SAMD5: variants seen among roughly 807,000 people sequenced by gnomAD.
SAMD5 encodes the protein sterile alpha motif domain-containing protein 5.
Under a neutral mutation model 11.3 loss-of-function variants are expected in SAMD5, and 13 were observed. The ratio of observed to expected loss-of-function variants is 1.15; its 90% CI spans 0.75 to 1.83. SAMD5 has a LOEUF of 1.83. SAMD5 is among the 40% of genes most tolerant of loss of function. The pLI, the probability that SAMD5 is intolerant of heterozygous loss-of-function variation, is 0.00. For missense variants in SAMD5, 255 were observed against 239.1 expected (o/e 1.07, Z -0.44); for synonymous variants, 129 against 111.3 (o/e 1.16, Z -1.00).
chr6:147,586,862 T>G (rs1206182559), intron 1 of SAMD5, among the ~76,000 whole-genome samples: 2 of 152,080 alleles, frequency 1.3e-5, no homozygotes, highest in Non-Finnish European at 2.9e-5. Flanking sequence ...CTCTGATATG[T>G]TATAAAATAA....
chr6:147,932,384 C>A, the SAMD5 span, among the ~76,000 whole-genome samples: 12 of 152,048 alleles, frequency 7.9e-5, no homozygotes, highest in African/African-American at 2.9e-4. Flanking sequence ...GGAGTGTCAG[C>A]GGACTTAATG....
rs2128444634 is a variant in SAMD5, at chr6:147,565,098, C to G, written c.*642C>G. On this transcript the variant is annotated 3_prime_UTR_variant, in exon 2 of 2. Coordinates refer to ENST00000367474, the MANE Select transcript of SAMD5 (RefSeq NM_001030060.3). ...ACCAAGAGAGGACAATTTCTTCTAA[C>G]TTCTCTTTTTAAATTTAATCTGGCT... 1.0e-6 allele frequency: 1 copy of G among 984,600 alleles called. No individual in the cohort carries two copies. The highest frequency in any genetic ancestry group is 4.7e-5 in the South Asian group (1 of 21,262). 61.0% of individuals were successfully genotyped at this position (984,600 alleles called of 1,614,324 possible).
chr6:147,558,108 A>G (rs1788886763), intron 1 of SAMD5, among the ~76,000 whole-genome samples: 1 of 152,234 alleles, frequency 6.6e-6, no homozygotes, highest in African/African-American at 2.4e-5. Context: ...GCATACCGTC[A>G]TGGCAATTAT....
chr6:147,654,944 T>C (rs1241196720), intron 1 of SAMD5, among the ~76,000 whole-genome samples: 4 of 152,150 alleles, frequency 2.6e-5, no homozygotes, highest in Non-Finnish European at 4.4e-5. Flanking sequence ...TCCTTTTGAT[T>C]GACAAGCACA....
At chr6:147,650,190 G>A (rs1412565492) in intron 1 of SAMD5, among the ~76,000 whole-genome samples, 1 of 152,114 alleles carries the variant, frequency 6.6e-6, no homozygotes, top group Non-Finnish European at 1.5e-5. Context: ...AATTAATAAA[G>A]TTAATAAAAC....
intron 1 of SAMD5, among the ~76,000 whole-genome samples, chr6:147,721,453 TG>T (rs1186642084): frequency 1.2e-4 from 18 of 152,244 alleles, no homozygotes; most frequent in East Asian, 1.9e-4. Context: ...TGGCCAGTGA[TG>T]GTGAGCATTT....
intron 1 of SAMD5, among the ~76,000 whole-genome samples, chr6:147,615,895 A>G (rs1056468118): frequency 6.6e-6 from 1 of 152,146 alleles, no homozygotes; most frequent in African/African-American, 2.4e-5. Flanking sequence ...GCTCTTCTAG[A>G]TGAGAGGTCA....
At chr6:147,827,421 C>A in the SAMD5 span, among the ~76,000 whole-genome samples, 2 of 149,796 alleles carry the variant, frequency 1.3e-5, no homozygotes, top group Non-Finnish European at 3.0e-5. Flanking sequence ...AAGGAATGGG[C>A]GAAAAAAAAA....
At chr6:147,821,343 C>T in the SAMD5 span, among the ~76,000 whole-genome samples, 2 of 152,138 alleles carry the variant, frequency 1.3e-5, no homozygotes, top group Non-Finnish European at 2.9e-5. Flanking sequence ...TGTAGGCAGC[C>T]GTTAGATGAT....
At chr6:147,930,292 C>A in the SAMD5 span, among the ~76,000 whole-genome samples, 5 of 152,092 alleles carry the variant, frequency 3.3e-5, no homozygotes, top group African/African-American at 1.2e-4. Flanking sequence ...AAGTTCCAAA[C>A]TTTCCTTCAT....
chr6:147,751,299 G>GT, the SAMD5 span, among the ~76,000 whole-genome samples: 3 of 151,782 alleles, frequency 2.0e-5, no homozygotes, highest in African/African-American at 4.8e-5. Context: ...TCTTTCACCC[G>GT]TTTAACATGT....
chr6:147,869,655 A>G, the SAMD5 span, among the ~76,000 whole-genome samples: 2 of 152,202 alleles, frequency 1.3e-5, no homozygotes, highest in Non-Finnish European at 2.9e-5. Context: ...ATTAACTTCA[A>G]TAACATGTAT....
chr6:147,923,773 A>G, the SAMD5 span, among the ~76,000 whole-genome samples: 1 of 152,190 alleles, frequency 6.6e-6, no homozygotes, highest in African/African-American at 2.4e-5. Flanking sequence ...TTTACACTGT[A>G]TAGATGACAC....
chr6:147,714,828 G>A (rs576086033), intron 1 of SAMD5, among the ~76,000 whole-genome samples: 48 of 152,244 alleles, frequency 3.2e-4, no homozygotes, highest in Middle Eastern at 3.4e-3. Flanking sequence ...CATACTTTGA[G>A]TAACGCAATC....
intron 1 of SAMD5, among the ~76,000 whole-genome samples, chr6:147,720,327 A>G (rs1210382565): frequency 4.6e-5 from 7 of 152,184 alleles, no homozygotes; most frequent in African/African-American, 1.7e-4. Context: ...GCCAGGCGCG[A>G]TGGCGGGCTC....
the SAMD5 span, among the ~76,000 whole-genome samples, chr6:147,868,817 C>G: frequency 6.6e-6 from 1 of 152,202 alleles, no homozygotes; most frequent in Admixed American, 6.5e-5. Flanking sequence ...AGATATAAAA[C>G]ACATATCAAT....
At chr6:147,828,508 C>T in the SAMD5 span, among the ~76,000 whole-genome samples, 4 of 152,138 alleles carry the variant, frequency 2.6e-5, no homozygotes, top group African/African-American at 7.2e-5. Context: ...CAGCTGCCAG[C>T]GCAACCAGAA....
In SAMD5 at chr6:147,725,635, C is replaced by T. The variant is rs1362506393; in HGVS notation, c.163-11682C>T. Among the ~76,000 whole-genome samples, 10 of 152,284 alleles carry T rather than the reference C, an allele frequency of 6.6e-5. No individual in the cohort carries two copies. In the South Asian group the frequency reaches 1.2e-3, roughly 19 times the overall value. ...AACTCCTGACCTCAGGTGATCCACC[C>T]GCCTTGGCCTCCCAAAGTTCTGGGA... is the stretch of plus-strand genomic sequence containing the variant. On this transcript the variant is annotated intron_variant, in intron 1 of 1. Coordinates refer to the SAMD5 transcript ENST00000566741.
the SAMD5 span, among the ~76,000 whole-genome samples, chr6:147,941,866 T>TTTGG: frequency 1.3e-5 from 2 of 151,950 alleles, no homozygotes; most frequent in African/African-American, 4.8e-5. Flanking sequence ...TGTTTGTTTG[T>TTTGG]TTGTTTGTTT....
Sources: allele counts gnomAD v4.1 joint callset (sites outside exome capture counted in the v4.1 genomes callset), GRCh38; gene constraint gnomAD v4.1.1; transcripts MANE v1.5; gene names NCBI Gene and HGNC (gene_info 2026-07-23, HGNC 2026-07-21).